Variants in SLC4A1AP observed in about 807,000 individuals in gnomAD.
SLC4A1AP encodes solute carrier family 4 member 1 adaptor protein, also known as kanadaptin.
SLC4A1AP carries 64 observed loss-of-function variants against 89.7 expected under a neutral mutation model. The ratio of observed to expected loss-of-function variants is 0.71; its 90% CI spans 0.58 to 0.88. The LOEUF is 0.88. Ranked by LOEUF, SLC4A1AP falls within the 40% of genes least tolerant of loss-of-function variation. The pLI is 0.00. For synonymous variants in SLC4A1AP, 366 were observed against 353.3 expected, an observed-to-expected ratio of 1.04 and a Z score of -0.40; for missense variants, 931 against 965.0, an observed-to-expected ratio of 0.96 and a Z score of 0.47.
At chr2:27,686,285 A>G (rs1442117895) in intron 10 of SLC4A1AP, among the ~76,000 whole-genome samples, 1 of 152,158 alleles carries the variant, frequency 6.6e-6, no homozygotes, top group African/African-American at 2.4e-5. Flanking sequence ...CTGTATCTGC[A>G]TTTGTCCTTT....
intron 12 of SLC4A1AP, among the ~76,000 whole-genome samples, chr2:27,689,909 A>G (rs78653657): frequency 0.045 from 6,834 of 152,280 alleles, 229 homozygotes; most frequent in Non-Finnish European, 0.073. Flanking sequence ...ATTTCCCTCT[A>G]TGGGGGCTGT....
intron 9 of SLC4A1AP, among the ~76,000 whole-genome samples, chr2:27,684,173 T>A (rs1276437932): frequency 6.6e-6 from 1 of 152,130 alleles, no homozygotes; most frequent in African/African-American, 2.4e-5. Context: ...ATACCTGTTA[T>A]CCCAGCACTT....
At chr2:27,666,174 C>T (rs920067350) in intron 2 of SLC4A1AP, among the ~76,000 whole-genome samples, 1 of 152,010 alleles carries the variant, frequency 6.6e-6, no homozygotes, top group African/African-American at 2.4e-5. Context: ...TTACCTGTTT[C>T]CTTTTAATTT....
At chr2:27,675,254 C>G (rs1675498416) in intron 5 of SLC4A1AP, among the ~76,000 whole-genome samples, 1 of 152,148 alleles carries the variant, frequency 6.6e-6, no homozygotes, top group Admixed American at 6.5e-5. Flanking sequence ...CCCTCCTTCC[C>G]AGCCTCTGGC....
chr2:27,675,903 C>T (rs1290991386), intron 6 of SLC4A1AP, among the ~76,000 whole-genome samples: 1 of 152,126 alleles, frequency 6.6e-6, no homozygotes, highest in Non-Finnish European at 1.5e-5. Context: ...GCTGCTAGAT[C>T]CTTTCCTTCA....
At chr2:27,681,812 C>T (rs1675624372) in intron 8 of SLC4A1AP, among the ~76,000 whole-genome samples, 1 of 152,180 alleles carries the variant, frequency 6.6e-6, no homozygotes, top group African/African-American at 2.4e-5. Context: ...CCCCCATCCC[C>T]ATGCACACTT....
chr2:27,672,008 G>T (rs1167948832), intron 5 of SLC4A1AP, among the ~76,000 whole-genome samples: 1 of 152,152 alleles, frequency 6.6e-6, no homozygotes, highest in African/African-American at 2.4e-5. Context: ...TTGCTTTTGA[G>T]AAATCCTAAA....
chr2:27,676,855 C>T (rs1675532927), intron 6 of SLC4A1AP, among the ~76,000 whole-genome samples: 2 of 149,756 alleles, frequency 1.3e-5, no homozygotes, highest in African/African-American at 4.9e-5. Flanking sequence ...AAACTATTAA[C>T]TCTGGCCAGG....
At chr2:27,687,557 C>T (rs755448070) in intron 10 of SLC4A1AP, among the ~76,000 whole-genome samples, 4 of 152,134 alleles carry the variant, frequency 2.6e-5, no homozygotes, top group Non-Finnish European at 5.9e-5. Context: ...CCCCACTGCA[C>T]TCCAGCTTGG....
At chr2:27,666,992 C>CA (rs1392893405) in intron 2 of SLC4A1AP, among the ~76,000 whole-genome samples, 1 of 151,834 alleles carries the variant, frequency 6.6e-6, no homozygotes, top group African/African-American at 2.4e-5. Flanking sequence ...CTCAGCCTCC[C>CA]AAGTAGCTGG....
intron 8 of SLC4A1AP, among the ~76,000 whole-genome samples, chr2:27,678,532 CA>C (rs111307930): frequency 0.058 from 8,509 of 145,760 alleles, 647 homozygotes; most frequent in African/African-American, 0.18. Flanking sequence ...GTTCCTGTCT[CA>C]AAAAAAAAAT....
intron 6 of SLC4A1AP, among the ~76,000 whole-genome samples, chr2:27,676,858 T>C (rs1675532990): frequency 1.3e-5 from 2 of 150,702 alleles, no homozygotes. Flanking sequence ...CTATTAACTC[T>C]GGCCAGGTGT....
At chr2:27,676,950 C>T (rs1438222560) in intron 6 of SLC4A1AP, among the ~76,000 whole-genome samples, 1 of 151,822 alleles carries the variant, frequency 6.6e-6, no homozygotes, top group Non-Finnish European at 1.5e-5. Flanking sequence ...ACCATCCTGG[C>T]CAACATGGTG....
At chr2:27,673,794 C>T (rs1675469500) in intron 5 of SLC4A1AP, among the ~76,000 whole-genome samples, 1 of 152,166 alleles carries the variant, frequency 6.6e-6, no homozygotes, top group Non-Finnish European at 1.5e-5. Flanking sequence ...TTAATAAGGA[C>T]TATTTTCCTT....
At chr2:27,675,324 G>C (rs1029639693) in intron 5 of SLC4A1AP, among the ~76,000 whole-genome samples, 6 of 152,148 alleles carry the variant, frequency 3.9e-5, no homozygotes, top group Non-Finnish European at 8.8e-5. Flanking sequence ...CTCACATGAT[G>C]CAGTAAGTGT....
At chr2:27,691,636 G>C (rs1327995759) in intron 12 of SLC4A1AP, 3 of 147,908 alleles carry the variant, frequency 2.0e-5, no homozygotes, top group South Asian at 4.3e-4. Flanking sequence ...CTGTTGCCCA[G>C]GGAGTGCAGT....
intron 12 of SLC4A1AP, chr2:27,692,177 TC>T (rs1337375422): frequency 1.3e-5 from 2 of 152,224 alleles, no homozygotes; most frequent in African/African-American, 4.8e-5. Flanking sequence ...TTTTGCTGTA[TC>T]CCAGAGGTTT....
intron 3 of SLC4A1AP, 38 bp from the exon 4 acceptor site, chr2:27,668,805 A>G: frequency 2.5e-6 from 4 of 1,581,262 alleles, no homozygotes; most frequent in Non-Finnish European, 3.5e-6. Context: ...TAATTTTTGG[A>G]TTCTATTAAA....
At chr2:27,694,726 A>G (rs768841888) in exon 14 of SLC4A1AP, 3 of 1,373,292 alleles carry the variant, frequency 2.2e-6, no homozygotes, top group Admixed American at 1.9e-5. Flanking sequence ...ACCATGTGAC[A>G]TGGAATATTT....
Sources: allele counts gnomAD v4.1 joint callset (sites outside exome capture counted in the v4.1 genomes callset), GRCh38; gene constraint gnomAD v4.1.1; transcripts MANE v1.5; gene names NCBI Gene and HGNC (gene_info 2026-07-23, HGNC 2026-07-21).